Variants in ANKRD22 observed in about 807,000 individuals in gnomAD.
ANKRD22 encodes ankyrin repeat domain-containing protein 22.
In ANKRD22, 24 loss-of-function variants were observed where a neutral mutation model predicts 25.7. The ratio of observed to expected loss-of-function variants is 0.93; its 90% CI spans 0.68 to 1.31. ANKRD22 has a LOEUF of 1.31. Among genes scored for constraint, ANKRD22 ranks in the 50% most tolerant of loss-of-function variants. The pLI is 0.00. For synonymous variants in ANKRD22, 84 were observed against 84.3 expected (o/e 1.00, Z 0.02); for missense variants, 214 against 227.1 (o/e 0.94, Z 0.37).
At chr10:88,834,701 G>A (rs552909807) in intron 1 of ANKRD22, among the ~76,000 whole-genome samples, 1 of 152,166 alleles carries the variant, frequency 6.6e-6, no homozygotes, top group Non-Finnish European at 1.5e-5. Context: ...TTGGGAGGCC[G>A]AGGTGGGTGG....
Position 88,846,824 on chromosome 10 carries a change from C to G in ANKRD22, c.21+4763G>C, listed in dbSNP as rs542511895. Among the ~76,000 whole-genome samples, 21 of 152,212 alleles carry G rather than the reference C, an allele frequency of 1.4e-4. No homozygotes were observed. In the South Asian group the frequency reaches 1.9e-3, roughly 14 times the overall value. Reference sequence around the variant, plus strand: ...TCTTTCTGAAGCAATAATGCCAAAACAGTGATGTTTCATCAGCACTATAGA... The same window carrying G: ...TCTTTCTGAAGCAATAATGCCAAAAGAGTGATGTTTCATCAGCACTATAGA... On this transcript the variant is annotated intron_variant, in intron 1 of 5. Coordinates refer to ENST00000371930, the MANE Select transcript of ANKRD22 (RefSeq NM_144590.3).
chr10:88,850,946 A>G (rs570005852), intron 1 of ANKRD22, among the ~76,000 whole-genome samples: 3 of 152,224 alleles, frequency 2.0e-5, no homozygotes. Flanking sequence ...CACCTCTTGT[A>G]CTCTTGTCTA....
chr10:88,827,595 G>A (rs1843866890), intron 3 of ANKRD22, among the ~76,000 whole-genome samples: 1 of 152,138 alleles, frequency 6.6e-6, no homozygotes, highest in Non-Finnish European at 1.5e-5. Context: ...GAGGATATGA[G>A]CAGATTATAT....
intron 4 of ANKRD22, among the ~76,000 whole-genome samples, chr10:88,824,142 C>T (rs1291502549): frequency 6.6e-6 from 1 of 152,200 alleles, no homozygotes; most frequent in African/African-American, 2.4e-5. Flanking sequence ...CCTGCAAGAT[C>T]AGTGCAGTTC....
chr10:88,829,686 G>C (rs993630666), intron 2 of ANKRD22, among the ~76,000 whole-genome samples: 1 of 152,134 alleles, frequency 6.6e-6, no homozygotes, highest in African/African-American at 2.4e-5. Flanking sequence ...GATTGTAATG[G>C]CTGCATGGCT....
At chr10:88,838,785 C>T (rs146729641) in intron 1 of ANKRD22, among the ~76,000 whole-genome samples, 232 of 152,206 alleles carry the variant, frequency 1.5e-3, no homozygotes, top group African/African-American at 4.9e-3. Context: ...CAAAAAACAA[C>T]GGTGACCAAG....
intron 1 of ANKRD22, among the ~76,000 whole-genome samples, chr10:88,832,491 T>C (rs948022091): frequency 2.0e-5 from 3 of 152,000 alleles, no homozygotes; most frequent in African/African-American, 7.2e-5. Context: ...ATCTTTATCT[T>C]TAGTAAAGAC....
chr10:88,831,937 G>C lies in ANKRD22; in HGVS notation c.111C>G (p.Gly37=). ...AGATCAGGGGCGTGTCTCCATTAAA[G>C]CCATCTTGAACGTTGGCATAGCTGC... ...EDSSYANVQD[G]FNGDTPLICA... The change falls in exon 2 of 6, where the codon GGC becomes GGG. Residue 37 remains glycine (G), a synonymous_variant. Transcript: ENST00000371930. The C allele has an allele frequency of 6.2e-7, 1 of 1,613,946 alleles. No homozygotes were observed. The highest frequency in any genetic ancestry group is 8.5e-7 in the Non-Finnish European group (1 of 1,179,912).
At chr10:88,848,150 GTA>G (rs1253798666) in intron 1 of ANKRD22, among the ~76,000 whole-genome samples, 8 of 134,848 alleles carry the variant, frequency 5.9e-5, no homozygotes, top group African/African-American at 1.4e-4. Context: ...ATATATGCGT[GTA>G]TATATATATA....
At chr10:88,842,363 T>G (rs950455322) in intron 1 of ANKRD22, among the ~76,000 whole-genome samples, 1 of 152,156 alleles carries the variant, frequency 6.6e-6, no homozygotes, top group Admixed American at 6.6e-5. Context: ...CTAGAATTTA[T>G]ACTCTGGTCT....
At chr10:88,825,987 A>G (rs576187172) in intron 4 of ANKRD22, 51 bp downstream of exon 4, 3 of 1,462,538 alleles carry the variant, frequency 2.1e-6, no homozygotes. Context: ...TACGCTACCT[A>G]CAAATACCAT....
intron 4 of ANKRD22, among the ~76,000 whole-genome samples, chr10:88,824,985 GCT>G (rs142353847): frequency 0.025 from 3,477 of 141,236 alleles, 131 homozygotes; most frequent in African/African-American, 0.074. Flanking sequence ...ATTTTCTTTT[GCT>G]CTCTCTCTCT....
chr10:88,832,880 G>C (rs1843920472), intron 1 of ANKRD22, among the ~76,000 whole-genome samples: 1 of 152,044 alleles, frequency 6.6e-6, no homozygotes, highest in South Asian at 2.1e-4. Context: ...ACCATGTTTG[G>C]TACCTTCCAT....
chr10:88,826,128 G>T lies in ANKRD22; in HGVS notation c.322-13C>A, dbSNP rs914954854. Reference sequence around the variant, plus strand: ...TTGTCTTTGATACCTATTACAAATGGTAATTATAAGAAAGGCTTATTTACA... The same window carrying T: ...TTGTCTTTGATACCTATTACAAATGTTAATTATAAGAAAGGCTTATTTACA... On this transcript the variant is annotated splice_polypyrimidine_tract_variant and intron_variant, in intron 3 of 5. Coordinates refer to ENST00000371930, the MANE Select transcript of ANKRD22 (RefSeq NM_144590.3). The T allele has an allele frequency of 1.3e-6, 2 of 1,587,702 alleles. No individual in the cohort carries two copies. Among genetic ancestry groups the T allele is most frequent in the Non-Finnish European group, 1.7e-6 (2 of 1,161,284 alleles).
intron 2 of ANKRD22, among the ~76,000 whole-genome samples, chr10:88,829,649 C>T (rs1433145834): frequency 1.5e-5 from 2 of 137,276 alleles, no homozygotes; most frequent in East Asian, 4.3e-4. Context: ...TACATTTTTC[C>T]ATGCAATTCA....
intron 2 of ANKRD22, 112 bp from the exon 3 acceptor site, chr10:88,828,778 G>A (rs1029024): frequency 0.75 from 530,035 of 703,190 alleles, 203,193 homozygotes; most frequent in South Asian, 0.85. Context: ...GGTACCCATG[G>A]CATCTTTTCC....
intron 3 of ANKRD22, among the ~76,000 whole-genome samples, chr10:88,826,497 G>T (rs952858112): frequency 6.6e-6 from 1 of 152,142 alleles, no homozygotes; most frequent in Admixed American, 6.5e-5. Context: ...ACAAAGCCCC[G>T]TATGTTTTGG....
intron 2 of ANKRD22, among the ~76,000 whole-genome samples, chr10:88,828,903 T>C (rs1843880158): frequency 6.6e-6 from 1 of 152,156 alleles, no homozygotes; most frequent in Admixed American, 6.5e-5. Flanking sequence ...AGGTGAAATG[T>C]ACACAGCAGA....
rs555661860 is a variant in ANKRD22 at position 88,849,015 on chromosome 10, T to A, written c.21+2572A>T. Among the ~76,000 whole-genome samples the A allele has an allele frequency of 6.6e-5, 10 of 151,848 alleles. No individual in the cohort carries two copies. The South Asian group carries it at 2.1e-3, about 32-fold the overall frequency. ...GTGTGTGTGCATGTGCATGTGTGTG[T>A]GTGTGTGTGTGTGGGTGTGTGTGCA... On this transcript the variant is annotated intron_variant, in intron 1 of 5. Coordinates refer to ENST00000371930, the MANE Select transcript of ANKRD22 (RefSeq NM_144590.3).
Sources: gnomAD v4.1 joint callset for allele counts (sites outside exome capture counted in the v4.1 genomes callset) on GRCh38, gnomAD v4.1.1 for gene constraint, MANE v1.5 for transcripts, NCBI Gene and HGNC (gene_info 2026-07-23, HGNC 2026-07-21) for gene names.